Variants in STXBP5L observed in about 807,000 individuals in gnomAD.
STXBP5L encodes the protein syntaxin-binding protein 5-like.
In STXBP5L, 65 loss-of-function variants were observed where a neutral mutation model predicts 144.5. That is an observed-to-expected ratio of 0.45 (90% CI 0.37 to 0.55). STXBP5L has a LOEUF of 0.55. Ranked by LOEUF, STXBP5L falls within the 20% of genes least tolerant of loss-of-function variation. The pLI is 0.00. For synonymous variants in STXBP5L, 505 were observed against 469.6 expected (o/e 1.08, Z -0.97); for missense variants, 1,298 against 1,405.5 (o/e 0.92, Z 1.22).
At chr3:121,308,898 G>C (rs968819965) in intron 19 of STXBP5L, among the ~76,000 whole-genome samples, 1 of 152,042 alleles carries the variant, frequency 6.6e-6, no homozygotes, top group Non-Finnish European at 1.5e-5. Context: ...TAACATTTCT[G>C]TATCTCACTG....
chr3:121,303,950 G>A (rs1456158954), intron 19 of STXBP5L, among the ~76,000 whole-genome samples: 2 of 151,552 alleles, frequency 1.3e-5, no homozygotes, highest in Admixed American at 6.6e-5. Context: ...AATGGGTGCA[G>A]CACACAAACA....
chr3:121,133,236 G>C (rs1012010017), intron 7 of STXBP5L, among the ~76,000 whole-genome samples: 1 of 152,116 alleles, frequency 6.6e-6, no homozygotes, highest in Admixed American at 6.6e-5. Context: ...ATGATTGAAA[G>C]CCTCTCAAAT....
chr3:121,162,892 G>A (rs998642613), intron 9 of STXBP5L, among the ~76,000 whole-genome samples: 4 of 152,140 alleles, frequency 2.6e-5, no homozygotes, highest in Non-Finnish European at 4.4e-5. Flanking sequence ...ACACCAATTA[G>A]AATGGCGATG....
chr3:121,083,524 G>A (rs755958853), intron 5 of STXBP5L, among the ~76,000 whole-genome samples: 26 of 151,934 alleles, frequency 1.7e-4, no homozygotes, highest in Admixed American at 3.3e-4. Flanking sequence ...TTAGCCAGAC[G>A]TGATGGCAGG....
chr3:120,979,636 G>T (rs1334721709), intron 3 of STXBP5L, among the ~76,000 whole-genome samples: 1 of 152,188 alleles, frequency 6.6e-6, no homozygotes, highest in African/African-American at 2.4e-5. Context: ...CCCATCTTCT[G>T]CGTCGCTCAC....
chr3:120,932,186 A>G (rs1391560920), intron 2 of STXBP5L, among the ~76,000 whole-genome samples: 1 of 152,212 alleles, frequency 6.6e-6, no homozygotes, highest in Non-Finnish European at 1.5e-5. Flanking sequence ...TCCACCCATA[A>G]TAAGTAGTCC....
chr3:121,205,881 T>C (rs750434039), intron 9 of STXBP5L, 42 bp from the exon 10 acceptor site: 11 of 1,079,134 alleles, frequency 1.0e-5, no homozygotes, highest in Non-Finnish European at 1.4e-5. Context: ...TACAGATGAA[T>C]ATAATTTAAA....
At chr3:121,053,001 T>C (rs543069864) in intron 5 of STXBP5L, among the ~76,000 whole-genome samples, 22 of 152,240 alleles carry the variant, frequency 1.4e-4, no homozygotes, top group Admixed American at 1.2e-3. Context: ...TCACAATTGC[T>C]TCAAAGAGAA....
intron 9 of STXBP5L, among the ~76,000 whole-genome samples, chr3:121,194,975 G>A (rs1204694008): frequency 7.0e-6 from 1 of 143,790 alleles, no homozygotes; most frequent in East Asian, 2.0e-4. Context: ...GAGTGCAGTG[G>A]CGAGATCTTG....
At chr3:120,940,213 G>A (rs939433017) in intron 2 of STXBP5L, among the ~76,000 whole-genome samples, 2 of 152,104 alleles carry the variant, frequency 1.3e-5, no homozygotes, top group South Asian at 2.1e-4. Flanking sequence ...TTTTTCAAAT[G>A]TGATACAGTA....
rs552566775 is a variant in STXBP5L, at chr3:121,365,374, A to G, written c.2177-13342A>G. 3.3e-5 allele frequency among the ~76,000 whole-genome samples: 5 copies of G among 151,418 alleles called. No homozygotes were observed. The East Asian group carries it at 9.7e-4, about 29-fold the overall frequency. On this transcript the variant is annotated intron_variant, in intron 20 of 26. Coordinates refer to ENST00000471454, the MANE Select transcript of STXBP5L (RefSeq NM_001308330.2). Reference sequence around the variant, plus strand: ...AAGATTTGGCAGAATACACGAGTGAAGCCAACAGGTTCAGGGCTTTTTTTC... The same window carrying G: ...AAGATTTGGCAGAATACACGAGTGAGGCCAACAGGTTCAGGGCTTTTTTTC...
At chr3:121,014,000 T>C (rs1218987869) in intron 3 of STXBP5L, among the ~76,000 whole-genome samples, 3 of 152,090 alleles carry the variant, frequency 2.0e-5, no homozygotes, top group African/African-American at 7.2e-5. Context: ...GGTCTGTATG[T>C]CTGTTTTTGT....
intron 3 of STXBP5L, among the ~76,000 whole-genome samples, chr3:121,018,717 G>A (rs1001268101): frequency 7.2e-5 from 11 of 152,100 alleles, no homozygotes; most frequent in Admixed American, 2.6e-4. Flanking sequence ...CGGTAACTTG[G>A]ATTTTATTAA....
At chr3:120,908,876 G>A (rs1460059264) in intron 1 of STXBP5L, among the ~76,000 whole-genome samples, 2 of 148,386 alleles carry the variant, frequency 1.3e-5, no homozygotes, top group Non-Finnish European at 1.5e-5. Context: ...GAGGTGAGGG[G>A]GAGGCGGAGG....
intron 5 of STXBP5L, among the ~76,000 whole-genome samples, chr3:121,071,165 A>C (rs527652213): frequency 6.6e-6 from 1 of 152,234 alleles, no homozygotes; most frequent in Non-Finnish European, 1.5e-5. Flanking sequence ...AGTATTACTA[A>C]TATGATTAAG....
intron 2 of STXBP5L, among the ~76,000 whole-genome samples, chr3:120,933,084 A>G (rs1710046887): frequency 6.6e-6 from 1 of 151,358 alleles, no homozygotes; most frequent in African/African-American, 2.4e-5. Flanking sequence ...ATTAGGAGAT[A>G]TACCTAATGT....
intron 5 of STXBP5L, among the ~76,000 whole-genome samples, chr3:121,109,867 A>T (rs1425330334): frequency 6.6e-6 from 1 of 152,110 alleles, no homozygotes; most frequent in African/African-American, 2.4e-5. Context: ...GGTTTCTAAG[A>T]ACTTGTTTTA....
In STXBP5L at chr3:121,255,085, C is replaced by A; in HGVS notation, c.1632C>A (p.Ser544Arg). The A allele has an allele frequency of 6.3e-7, 1 of 1,596,314 alleles. No homozygotes were observed. The highest frequency in any genetic ancestry group is 8.5e-7 in the Non-Finnish European group (1 of 1,172,204). ...CATATGTCATAATTTATAAATTCAG[C>A]AGACATGAAATTACAACAGAAATAG... is the stretch of plus-strand genomic sequence containing the variant. ...VSAYVIIYKF[S>R]RHEITTEIVS... Residue 544 changes from serine to arginine, a missense_variant, in exon 16 of 27, where the codon AGC becomes AGA. Ser to Arg is a moderately radical substitution (Grantham distance 110). Coordinates refer to ENST00000471454, the MANE Select transcript of STXBP5L (RefSeq NM_001308330.2).
intron 20 of STXBP5L, among the ~76,000 whole-genome samples, chr3:121,321,065 A>G (rs1280254222): frequency 6.6e-6 from 1 of 152,206 alleles, no homozygotes; most frequent in Non-Finnish European, 1.5e-5. Flanking sequence ...GATTGTTTCA[A>G]AGCAGGAAAA....
Sources: gnomAD v4.1 joint callset for allele counts (sites outside exome capture counted in the v4.1 genomes callset) on GRCh38, gnomAD v4.1.1 for gene constraint, MANE v1.5 for transcripts, NCBI Gene and HGNC (gene_info 2026-07-23, HGNC 2026-07-21) for gene names.